Variants in KIRREL3 observed in about 807,000 individuals in gnomAD.
KIRREL3 encodes kin of IRRE-like protein 3.
Under a neutral mutation model 89.7 loss-of-function variants are expected in KIRREL3, and 36 were observed. That is an observed-to-expected ratio of 0.40 (90% CI 0.31 to 0.53). The LOEUF (loss-of-function observed/expected upper bound fraction) is 0.53. Among genes scored for constraint, KIRREL3 ranks in the 20% least tolerant of loss-of-function variants. The probability of loss-of-function intolerance (pLI) is 0.49; values close to 1 mark genes in which losing one functional copy is unlikely to be tolerated. For missense variants in KIRREL3, 864 were observed against 1,056.6 expected (o/e 0.82, Z 2.53); for synonymous variants, 445 against 441.4 (o/e 1.01, Z -0.10).
chr11:126,494,773 T>C (rs1957609787), intron 4 of KIRREL3, among the ~76,000 whole-genome samples: 1 of 152,084 alleles, frequency 6.6e-6, no homozygotes, highest in Non-Finnish European at 1.5e-5. Context: ...GAAACTGTTT[T>C]GGGGCGGTGA....
intron 1 of KIRREL3, among the ~76,000 whole-genome samples, chr11:126,878,356 A>AAG (rs1482498360): frequency 6.6e-6 from 1 of 152,164 alleles, no homozygotes; most frequent in East Asian, 1.9e-4. Context: ...TTAGATATAT[A>AAG]TACTGTTGCA....
rs1158211632 is a variant in KIRREL3 at position 126,656,025 on chromosome 11, G to A, written c.56-93113C>T. 1.2e-5 allele frequency: 5 copies of A among 401,446 alleles called. No individual in the cohort carries two copies. Among genetic ancestry groups the A allele is most frequent in the Non-Finnish European group, 2.0e-5 (4 of 196,818 alleles). 24.9% of individuals were successfully genotyped at this position (401,446 alleles called of 1,614,324 possible). On this transcript the variant is annotated intron_variant, in intron 1 of 16. Transcript: ENST00000525144. The surrounding 1 kb of genome is among the most constrained non-coding windows in gnomAD (Gnocchi z 4.0). ...AAGCTAATTAGAATCCTCTAGAAGT[G>A]TGTGGAAATGGGAACCTGAGCCAGG...
chr11:126,657,777 G>A (rs1945220825), intron 1 of KIRREL3, among the ~76,000 whole-genome samples: 1 of 152,216 alleles, frequency 6.6e-6, no homozygotes, highest in South Asian at 2.1e-4. Flanking sequence ...CCTGTGCTGT[G>A]TTCAGTCACT....
rs1279588851 is a variant in KIRREL3 at position 126,676,470 on chromosome 11, T to C, written c.56-113558A>G. Among the ~76,000 whole-genome samples the C allele has an allele frequency of 6.6e-6, 1 of 152,174 alleles. No individual in the cohort carries two copies. The highest frequency in any genetic ancestry group is 2.4e-5 in the African/African-American group (1 of 41,446). On this transcript the variant is annotated intron_variant, in intron 1 of 16. Transcript: ENST00000525144. This position sits in a 1 kb window ranked among gnomAD's most constrained non-coding sequence, Gnocchi z 4.5. ...CAGTTGGCCACACTGAGGCTGTTCT[T>C]TGACCAGTGTTTCTCAAATTTGCAC...
intron 1 of KIRREL3, among the ~76,000 whole-genome samples, chr11:126,853,754 A>G (rs1944415292): frequency 6.6e-6 from 1 of 152,112 alleles, no homozygotes; most frequent in African/African-American, 2.4e-5. Context: ...AAAAAACAAA[A>G]CAAAACTTCC....
At chr11:126,881,955 C>T (rs535883789) in intron 1 of KIRREL3, among the ~76,000 whole-genome samples, 1 of 152,274 alleles carries the variant, frequency 6.6e-6, no homozygotes, top group East Asian at 1.9e-4. Context: ...GGATACAAGG[C>T]CCATTTGAGA....
rs945083139 is a variant in KIRREL3, at chr11:126,508,011, C to T, written c.433+13304G>A. On this transcript the variant is annotated intron_variant, in intron 4 of 16. Transcript: ENST00000525144. This position sits in a 1 kb window ranked among gnomAD's most constrained non-coding sequence, Gnocchi z 4.9. ...TTGTGTGCGACAAAGGGGAAGGGAG[C>T]AGTGGGATTGGGGGTAGGGCAGAGA... 1.3e-5 allele frequency among the ~76,000 whole-genome samples: 2 copies of T among 152,128 alleles called. No homozygotes were observed. The highest frequency in any genetic ancestry group is 2.9e-5 in the Non-Finnish European group (2 of 68,024).
intron 4 of KIRREL3, among the ~76,000 whole-genome samples, chr11:126,500,896 T>C (rs1051468081): frequency 1.3e-5 from 2 of 151,974 alleles, no homozygotes; most frequent in African/African-American, 4.8e-5. Flanking sequence ...ATGTGAGGAG[T>C]TCAAGTATAA....
intron 5 of KIRREL3, among the ~76,000 whole-genome samples, chr11:126,470,620 TA>T (rs1434736596): frequency 6.6e-6 from 1 of 151,980 alleles, no homozygotes; most frequent in Non-Finnish European, 1.5e-5. Flanking sequence ...GACTGGTGGG[TA>T]GGGGGAACCA....
At chr11:126,506,751 C>G (rs1958028160) in intron 4 of KIRREL3, among the ~76,000 whole-genome samples, 2 of 151,874 alleles carry the variant, frequency 1.3e-5, no homozygotes, top group African/African-American at 4.9e-5. Flanking sequence ...CACACACAGA[C>G]TTGTTTGTGA....
chr11:126,752,465 T>G lies in KIRREL3; in HGVS notation c.56-189553A>C, dbSNP rs1949365930. Among the ~76,000 whole-genome samples, 1 of 152,192 alleles carries G rather than the reference T, an allele frequency of 6.6e-6. No homozygotes were observed. The highest frequency in any genetic ancestry group is 1.5e-5 in the Non-Finnish European group (1 of 68,040). On this transcript the variant is annotated intron_variant, in intron 1 of 16. Coordinates refer to ENST00000525144, the MANE Select transcript of KIRREL3 (RefSeq NM_032531.4). The surrounding 1 kb of genome is among the most constrained non-coding windows in gnomAD (Gnocchi z 4.8). Reference sequence around the variant, plus strand: ...ATTAACATTATCATTACAGTGCTAATAATAATAATTGCATAATAGCATTAT... The same window carrying G: ...ATTAACATTATCATTACAGTGCTAAGAATAATAATTGCATAATAGCATTAT...
Position 126,917,574 on chromosome 11 carries a change from G to A in KIRREL3, c.55+82881C>T, listed in dbSNP as rs1947091670. ...CCACACCTATCCTGCCTCTCTTAGA[G>A]CACTGCTCAGTTGTAGGCTGTGTGG... is the stretch of plus-strand genomic sequence containing the variant. On this transcript the variant is annotated intron_variant, in intron 1 of 16. Coordinates refer to ENST00000525144, the MANE Select transcript of KIRREL3 (RefSeq NM_032531.4). The surrounding 1 kb of genome is among the most constrained non-coding windows in gnomAD (Gnocchi z 5.0). Among the ~76,000 whole-genome samples the A allele has an allele frequency of 6.6e-6, 1 of 152,174 alleles. No individual in the cohort carries two copies. The highest frequency in any genetic ancestry group is 6.5e-5 in the Admixed American group (1 of 15,278).
intron 1 of KIRREL3, chr11:126,681,790 T>C (rs1465047499): frequency 9.5e-6 from 4 of 422,790 alleles, no homozygotes; most frequent in Admixed American, 2.7e-5. Flanking sequence ...CAGGGTTCTA[T>C]GAGGCTGAAA....
In KIRREL3 at chr11:126,658,881, G is replaced by A. The variant is rs144971376; in HGVS notation, c.56-95969C>T. ...AATGACCACATAAACAATCGGACTT[G>A]TTACTTTGTCCACCCTGATCTTTGG... On this transcript the variant is annotated intron_variant, in intron 1 of 16. Coordinates refer to ENST00000525144, the MANE Select transcript of KIRREL3 (RefSeq NM_032531.4). Among the ~76,000 whole-genome samples the A allele has an allele frequency of 2.4e-3, 361 of 152,294 alleles. 2 individuals carry two copies. The highest frequency in any genetic ancestry group is 8.3e-3 in the African/African-American group (344 of 41,560).
intron 1 of KIRREL3, among the ~76,000 whole-genome samples, chr11:126,600,224 G>A (rs1245134138): frequency 6.6e-6 from 1 of 152,168 alleles, no homozygotes. Flanking sequence ...ACAAGGAATT[G>A]AATCCAACTG....
Position 126,705,822 on chromosome 11 carries a change from C to A in KIRREL3, c.56-142910G>T, listed in dbSNP as rs927342187. Among the ~76,000 whole-genome samples, 1 of 152,186 alleles carries A rather than the reference C, an allele frequency of 6.6e-6. No individual in the cohort carries two copies. The highest frequency in any genetic ancestry group is 1.5e-5 in the Non-Finnish European group (1 of 68,048). On this transcript the variant is annotated intron_variant, in intron 1 of 16. Transcript: ENST00000525144. This position sits in a 1 kb window ranked among gnomAD's most constrained non-coding sequence, Gnocchi z 4.3. ...AGAACTGCCATGGCACTGTGACTTG[C>A]CTTGACCACTAAAATGTTGAGAAAG... is the stretch of plus-strand genomic sequence containing the variant.
intron 1 of KIRREL3, among the ~76,000 whole-genome samples, chr11:126,714,391 C>T (rs554208437): frequency 6.6e-6 from 1 of 152,240 alleles, no homozygotes; most frequent in East Asian, 1.9e-4. Context: ...CTGGCCACAG[C>T]CCCTTAGCAT....
At chr11:126,631,124 T>TATGTATGTATTCATTCATTC (rs543668078) in intron 1 of KIRREL3, among the ~76,000 whole-genome samples, 9 of 106,656 alleles carry the variant, frequency 8.4e-5, no homozygotes, top group African/African-American at 3.1e-4. Context: ...TGTATGTATG[T>TATGTATGTATTCATTCATTC]ATTCATTCAT....
chr11:126,683,151 G>A lies in KIRREL3; in HGVS notation c.56-120239C>T, dbSNP rs567081256. On this transcript the variant is annotated intron_variant, in intron 1 of 16. Coordinates refer to ENST00000525144, the MANE Select transcript of KIRREL3 (RefSeq NM_032531.4). The surrounding 1 kb of genome is among the most constrained non-coding windows in gnomAD (Gnocchi z 5.2). ...AATTACAAGCGTGAGCCACAGCACCGGGTTACTTTGTTACTCTTTAGGGGT... is the reference window on the plus strand; with the variant it reads ...AATTACAAGCGTGAGCCACAGCACCAGGTTACTTTGTTACTCTTTAGGGGT... 3.9e-5 allele frequency among the ~76,000 whole-genome samples: 6 copies of A among 152,224 alleles called. No homozygotes were observed. The highest frequency in any genetic ancestry group is 2.1e-4 in the South Asian group (1 of 4,824).
Sources: allele counts gnomAD v4.1 joint callset (sites outside exome capture counted in the v4.1 genomes callset), GRCh38; gene constraint gnomAD v4.1.1; non-coding constraint Gnocchi (gnomAD v3.1); transcripts MANE v1.5; gene names NCBI Gene and HGNC (gene_info 2026-07-23, HGNC 2026-07-21).